TRPV4: variants seen among roughly 807,000 people sequenced by gnomAD.
TRPV4 encodes transient receptor potential cation channel subfamily V member 4.
TRPV4 carries 58 observed loss-of-function variants against 84.1 expected under a neutral mutation model. The ratio of observed to expected loss-of-function variants is 0.69; its 90% CI spans 0.56 to 0.86. TRPV4 has a LOEUF of 0.86. TRPV4 is among the 40% of genes least tolerant of loss of function. The pLI is 0.00. For missense variants in TRPV4, 879 were observed against 1,181.1 expected, an observed-to-expected ratio of 0.74 and a Z score of 3.75; for synonymous variants, 489 against 500.9, an observed-to-expected ratio of 0.98 and a Z score of 0.32.
intron 3 of TRPV4, among the ~76,000 whole-genome samples, chr12:109,807,393 C>CTTT (rs377690733): frequency 0.051 from 6,915 of 135,056 alleles, 329 homozygotes; most frequent in African/African-American, 0.11. Context: ...TATCACAATT[C>CTTT]TTTTTTTTTT....
intron 5 of TRPV4, among the ~76,000 whole-genome samples, chr12:109,800,066 C>T (rs545041279): frequency 6.6e-6 from 1 of 152,254 alleles, no homozygotes; most frequent in Non-Finnish European, 1.5e-5. Flanking sequence ...CCTCAGCCTC[C>T]CAAGTAGCTG....
At chr12:109,828,900 T>A (rs1892339195) in intron 1 of TRPV4, among the ~76,000 whole-genome samples, 2 of 152,090 alleles carry the variant, frequency 1.3e-5, no homozygotes, top group South Asian at 4.1e-4. Context: ...TGTGACACCA[T>A]CAAAATGAAC....
chr12:109,804,416 A>G (rs534288819), intron 3 of TRPV4, among the ~76,000 whole-genome samples: 2 of 152,300 alleles, frequency 1.3e-5, no homozygotes, highest in East Asian at 3.9e-4. Flanking sequence ...TGCTCCCCAC[A>G]GCTGTATGAC....
intron 1 of TRPV4, among the ~76,000 whole-genome samples, chr12:109,829,105 G>A (rs530288120): frequency 1.3e-5 from 2 of 152,026 alleles, no homozygotes; most frequent in African/African-American, 2.4e-5. Context: ...CCAGGAGTTC[G>A]AGGCTGCTGT....
intron 11 of TRPV4, 24 bp downstream of exon 11, chr12:109,792,628 C>G (rs1240141253): frequency 1.2e-5 from 19 of 1,614,056 alleles, no homozygotes; most frequent in Non-Finnish European, 1.4e-5. Flanking sequence ...ACACACGAGT[C>G]CAGAGGGTCC....
chr12:109,806,873 G>GAAAAAAAAAAAAAAAAAAAAAAAAA (rs533116934), intron 3 of TRPV4, among the ~76,000 whole-genome samples: 1 of 93,728 alleles, frequency 1.1e-5, no homozygotes, highest in Non-Finnish European at 2.2e-5. Context: ...AAAAAAAAAA[G>GAAAAAAAAAAAAAAAAAAAAAAAAA]AAAAAAAAAA....
chr12:109,830,985 C>T (rs1892393304), intron 1 of TRPV4, among the ~76,000 whole-genome samples: 1 of 152,190 alleles, frequency 6.6e-6, no homozygotes, highest in Non-Finnish European at 1.5e-5. Context: ...GGGCCAGCCT[C>T]TCTGTCTGAG....
At chr12:109,813,085 G>A (rs1479385202) in intron 2 of TRPV4, among the ~76,000 whole-genome samples, 1 of 152,156 alleles carries the variant, frequency 6.6e-6, no homozygotes, top group Non-Finnish European at 1.5e-5. Flanking sequence ...AGATTAATGG[G>A]GGACAGATGA....
chr12:109,802,276 T>C (rs1289496406), intron 4 of TRPV4, among the ~76,000 whole-genome samples: 1 of 151,394 alleles, frequency 6.6e-6, no homozygotes, highest in Non-Finnish European at 1.5e-5. Context: ...ACTACAGGTG[T>C]GCACCAACAA....
chr12:109,813,249 A>C (rs2136647873), intron 2 of TRPV4, among the ~76,000 whole-genome samples: 1 of 152,250 alleles, frequency 6.6e-6, no homozygotes, highest in Admixed American at 6.5e-5. Flanking sequence ...GTCTCTACTA[A>C]AAATACAAAA....
intron 2 of TRPV4, among the ~76,000 whole-genome samples, chr12:109,813,274 G>T (rs149635002): frequency 0.015 from 2,221 of 152,262 alleles, 35 homozygotes; most frequent in Middle Eastern, 0.041. Context: ...TTAGCTGGGT[G>T]TGGTGGCGGG....
intron 5 of TRPV4, among the ~76,000 whole-genome samples, chr12:109,800,012 G>A (rs1477045048): frequency 6.6e-6 from 1 of 151,908 alleles, no homozygotes; most frequent in Non-Finnish European, 1.5e-5. Flanking sequence ...GGGAAATCTC[G>A]GCTCATTGCA....
rs183999079 is a variant in TRPV4 at position 109,802,333 on chromosome 12, C to T, written c.712+658G>A. Among the ~76,000 whole-genome samples, 25 of 146,562 alleles carry T rather than the reference C, an allele frequency of 1.7e-4. No individual in the cohort carries two copies. The East Asian group carries it at 3.2e-3, about 19-fold the overall frequency. On this transcript the variant is annotated intron_variant, in intron 4 of 15. Transcript: ENST00000261740. ...TTTTTTTTTTTTGAGATGAGTCTTG[C>T]TCTTGTTGCCCAAGCTGGAGTGCAA...
At chr12:109,806,822 C>T (rs1891166272) in intron 3 of TRPV4, among the ~76,000 whole-genome samples, 1 of 138,334 alleles carries the variant, frequency 7.2e-6, no homozygotes, top group Admixed American at 7.9e-5. Context: ...GATCACACCA[C>T]AGCATTCCAG....
intron 3 of TRPV4, among the ~76,000 whole-genome samples, chr12:109,805,059 T>G (rs1371267124): frequency 6.6e-6 from 1 of 152,218 alleles, no homozygotes; most frequent in Non-Finnish European, 1.5e-5. Flanking sequence ...AATCCTCCAG[T>G]ACAGCCTTTT....
At chr12:109,802,078 CAGAT>C (rs1292528234) in intron 4 of TRPV4, among the ~76,000 whole-genome samples, 1 of 151,734 alleles carries the variant, frequency 6.6e-6, no homozygotes, top group African/African-American at 2.4e-5. Context: ...ATCTTAGGGC[CAGAT>C]CCCGAGTTCA....
intron 14 of TRPV4, among the ~76,000 whole-genome samples, chr12:109,785,064 C>T (rs552781690): frequency 1.3e-5 from 2 of 152,074 alleles, no homozygotes; most frequent in Non-Finnish European, 2.9e-5. Flanking sequence ...CTCCATTGCC[C>T]AGGCTAGGGT....
At chr12:109,823,618 A>G (rs1374658861) in intron 1 of TRPV4, among the ~76,000 whole-genome samples, 2 of 152,176 alleles carry the variant, frequency 1.3e-5, no homozygotes, top group Non-Finnish European at 2.9e-5. Flanking sequence ...ATCCACAGAG[A>G]CAGAAAGCAG....
In TRPV4 at chr12:109,793,353, T is replaced by C. The variant is rs539459280; in HGVS notation, c.1658+174A>G. The C allele has an allele frequency of 4.5e-6, 3 of 662,068 alleles. No individual in the cohort carries two copies. The highest frequency in any genetic ancestry group is 5.0e-5 in the Admixed American group (2 of 40,162). The allele number at this position is 662,068 out of a possible 1,614,324, so 41.0% of individuals were successfully genotyped here. A position where few individuals can be genotyped will look rare whatever the true frequency, so the allele number is the denominator to read the frequency against. Reference sequence around the variant, plus strand: ...ATAACTCCCTAGCAATCAGAATTTTTCTTGAACCAGAAGACCCTATTGTTT... The same window carrying C: ...ATAACTCCCTAGCAATCAGAATTTTCCTTGAACCAGAAGACCCTATTGTTT... On this transcript the variant is annotated intron_variant, in intron 10 of 15. Transcript: ENST00000261740. The surrounding 1 kb of genome is among the most constrained non-coding windows in gnomAD (Gnocchi z 4.0).
Sources: gnomAD v4.1 joint callset for allele counts (sites outside exome capture counted in the v4.1 genomes callset) on GRCh38, gnomAD v4.1.1 for gene constraint, Gnocchi (gnomAD v3.1) non-coding constraint, MANE v1.5 for transcripts, NCBI Gene and HGNC (gene_info 2026-07-23, HGNC 2026-07-21) for gene names.